Variants in TRPC4AP observed in about 807,000 individuals in gnomAD.
TRPC4AP encodes short transient receptor potential channel 4-associated protein.
A neutral mutation model predicts 99.0 loss-of-function variants in TRPC4AP; 45 were observed. That is an observed-to-expected ratio of 0.45 (90% CI 0.36 to 0.58). The LOEUF (loss-of-function observed/expected upper bound fraction) is 0.58, where lower values mean the gene tolerates loss of function less well. Ranked by LOEUF, TRPC4AP falls within the 20% of genes least tolerant of loss-of-function variation. The pLI, the probability that TRPC4AP is intolerant of heterozygous loss-of-function variation, is 0.00. For missense variants in TRPC4AP, 879 were observed against 985.3 expected, an observed-to-expected ratio of 0.89 and a Z score of 1.44; for synonymous variants, 408 against 385.8, an observed-to-expected ratio of 1.06 and a Z score of -0.67.
At chr20:35,036,416 G>A (rs910044771) in intron 7 of TRPC4AP, among the ~76,000 whole-genome samples, 3 of 152,118 alleles carry the variant, frequency 2.0e-5, no homozygotes, top group Non-Finnish European at 2.9e-5. Context: ...TTTTGAATCC[G>A]CAGATTTTTT....
chr20:35,049,202 G>C (rs1177484201), intron 6 of TRPC4AP, among the ~76,000 whole-genome samples: 6 of 151,762 alleles, frequency 4.0e-5, no homozygotes, highest in Admixed American at 3.9e-4. Context: ...ATGTATTTTT[G>C]GGTATCTGTG....
At chr20:35,084,554 T>G (rs544766271) in intron 1 of TRPC4AP, among the ~76,000 whole-genome samples, 10 of 136,936 alleles carry the variant, frequency 7.3e-5, no homozygotes, top group Non-Finnish European at 1.4e-4. Flanking sequence ...GTATATATGT[T>G]TATATGCATA....
chr20:35,061,868 C>CT (rs2073107038), intron 3 of TRPC4AP, among the ~76,000 whole-genome samples: 1 of 152,130 alleles, frequency 6.6e-6, no homozygotes, highest in Non-Finnish European at 1.5e-5. Context: ...AAATTAAAGA[C>CT]TTTGTGTTTC....
intron 7 of TRPC4AP, among the ~76,000 whole-genome samples, chr20:35,040,499 G>A (rs188142779): frequency 3.9e-5 from 6 of 152,292 alleles, no homozygotes; most frequent in Admixed American, 6.5e-5. Flanking sequence ...TCCTCCAGCC[G>A]GGGAGCTACA....
chr20:35,010,596 A>G (rs2147272435), intron 11 of TRPC4AP, among the ~76,000 whole-genome samples: 1 of 152,096 alleles, frequency 6.6e-6, no homozygotes, highest in South Asian at 2.1e-4. Flanking sequence ...TGTTTTCTCA[A>G]AGGCACCAAC....
Position 35,030,950 on chromosome 20 carries a change from C to T in TRPC4AP, c.1051+4173G>A, listed in dbSNP as rs904921835. Among the ~76,000 whole-genome samples, 4 of 152,278 alleles carry T rather than the reference C, an allele frequency of 2.6e-5. No individual in the cohort carries two copies. The South Asian group carries it at 6.2e-4, about 24-fold the overall frequency. ...ACTTCCTTTGGTATTTCTCATAAGTCGGTATGCTGCTTAATTTCCAGATGT... is the reference window on the plus strand; with the variant it reads ...ACTTCCTTTGGTATTTCTCATAAGTTGGTATGCTGCTTAATTTCCAGATGT... On this transcript the variant is annotated intron_variant, in intron 8 of 18. Transcript: ENST00000252015.
rs776010915 is a variant in TRPC4AP at position 35,092,774 on chromosome 20, G to C, written c.8C>G (p.Ala3Gly). The change falls in exon 1 of 19, where the codon GCG (alanine) becomes GGG (glycine). Residue 3 changes from alanine (A) to glycine (G), a missense_variant. By Grantham distance (60) the Ala-to-Gly change is moderately conservative. Around this residue, in one of 3 missense-constraint regions of TRPC4AP, gnomAD observed 603 missense variants for 631.8 expected, o/e 0.95. Transcript: ENST00000252015. ...TCCAGACCCAGCCGCTACCGGCGCC[G>C]CCGCCATGTCTCCTCGTCGGACAAA... MA[A>G]APVAAGSGAG... 3.3e-6 allele frequency: 5 copies of C among 1,535,994 alleles called. No individual in the cohort carries two copies. The Admixed American group carries it at 8.0e-5, about 25-fold the overall frequency.
chr20:35,049,964 T>C lies in TRPC4AP; in HGVS notation c.559A>G (p.Lys187Glu), dbSNP rs1371515405. The change falls in exon 6 of 19, where the codon AAG becomes GAG. Residue 187 changes from lysine to glutamate, a missense_variant. By Grantham distance (56) the Lys-to-Glu change is moderately conservative. This residue lies in a region of TRPC4AP where 603 missense variants were observed against 631.8 expected (regional missense o/e 0.95). Coordinates refer to ENST00000252015, the MANE Select transcript of TRPC4AP (RefSeq NM_015638.3). ...AACAGGAAGATCACAAAGTCATTCT[T>C]TTCTGCCAAACGCTTTGTAACTCCC... Reference protein sequence around the residue: ...TEGVTKRLAEKNDFVIFLFTL... With the variant: ...TEGVTKRLAEENDFVIFLFTL... 14 of 1,614,100 alleles carry C rather than the reference T, an allele frequency of 8.7e-6. No homozygotes were observed. The highest frequency in any genetic ancestry group is 2.2e-5 in the South Asian group (2 of 91,066).
chr20:35,056,184 T>C lies in TRPC4AP; in HGVS notation c.473-1153A>G, dbSNP rs76665252. 2.7e-3 allele frequency among the ~76,000 whole-genome samples: 410 copies of C among 152,330 alleles called. 23 individuals are homozygous for C. The East Asian group carries it at 0.076, about 28-fold the overall frequency. ...CTACTGGGGCTCTGTGATTGATTTA[T>C]TTAACGACTTCAGAGCAGGGTGAAA... is the stretch of plus-strand genomic sequence containing the variant. On this transcript the variant is annotated intron_variant, in intron 4 of 18. Coordinates refer to ENST00000252015, the MANE Select transcript of TRPC4AP (RefSeq NM_015638.3).
At chr20:35,009,539 G>C (rs1031703046) in intron 12 of TRPC4AP, among the ~76,000 whole-genome samples, 2 of 152,166 alleles carry the variant, frequency 1.3e-5, no homozygotes, top group African/African-American at 4.8e-5. Flanking sequence ...CCAGCTACTC[G>C]GGCGGCTGAG....
chr20:35,042,807 A>G (rs2083470640), intron 7 of TRPC4AP, among the ~76,000 whole-genome samples: 1 of 152,224 alleles, frequency 6.6e-6, no homozygotes, highest in Non-Finnish European at 1.5e-5. Flanking sequence ...TAGGTGGGCT[A>G]GATTGGTTAG....
chr20:35,066,330 C>T (rs879391777), intron 3 of TRPC4AP, among the ~76,000 whole-genome samples: 1 of 152,100 alleles, frequency 6.6e-6, no homozygotes, highest in Non-Finnish European at 1.5e-5. Flanking sequence ...TGGTCTCTAA[C>T]TCCTCAACTC....
chr20:35,024,724 G>A (rs1322763095), intron 8 of TRPC4AP, among the ~76,000 whole-genome samples: 1 of 150,678 alleles, frequency 6.6e-6, no homozygotes, highest in Non-Finnish European at 1.5e-5. Flanking sequence ...AGCTACTCGG[G>A]AGGCTGAGGT....
chr20:35,066,013 A>T (rs1011514201), intron 3 of TRPC4AP, among the ~76,000 whole-genome samples: 1 of 152,228 alleles, frequency 6.6e-6, no homozygotes, highest in Non-Finnish European at 1.5e-5. Context: ...ATGCATGCAG[A>T]TGTCACACTC....
intron 8 of TRPC4AP, among the ~76,000 whole-genome samples, chr20:35,023,848 GAAGA>G (rs2082950086): frequency 6.6e-6 from 1 of 152,258 alleles, no homozygotes; most frequent in Non-Finnish European, 1.5e-5. Flanking sequence ...GAACGTCTGC[GAAGA>G]AAGAGACAGG....
intron 7 of TRPC4AP, among the ~76,000 whole-genome samples, chr20:35,040,428 A>G (rs1351234980): frequency 6.6e-6 from 1 of 152,042 alleles, no homozygotes; most frequent in Non-Finnish European, 1.5e-5. Context: ...CTGCTCTTGG[A>G]TATCAGACTC....
intron 7 of TRPC4AP, 84 bp downstream of exon 7, chr20:35,044,418 AAAG>A: frequency 7.5e-7 from 1 of 1,325,774 alleles, no homozygotes; most frequent in Non-Finnish European, 1.0e-6. Context: ...AAAAAAAAGA[AAAG>A]AAAAGAAAAA....
At chr20:35,054,867 C>A in intron 5 of TRPC4AP, 109 bp downstream of exon 5, 4 of 950,004 alleles carry the variant, frequency 4.2e-6, no homozygotes, top group Non-Finnish European at 6.4e-6. Flanking sequence ...GATTCCCCCA[C>A]TGTCTGAAAG....
chr20:35,008,310 TGCTGCTATA>T (rs2082557744), intron 13 of TRPC4AP, among the ~76,000 whole-genome samples: 1 of 152,168 alleles, frequency 6.6e-6, no homozygotes, highest in South Asian at 2.1e-4. Context: ...GGCTTTCCTT[TGCTGCTATA>T]GCTCCTGGGC....
Sources: allele counts gnomAD v4.1 joint callset (sites outside exome capture counted in the v4.1 genomes callset), GRCh38; gene constraint gnomAD v4.1.1; regional missense constraint gnomAD v4.1.1; transcripts MANE v1.5; gene names NCBI Gene and HGNC (gene_info 2026-07-23, HGNC 2026-07-21).